The following DLGAP2 variants were observed in gnomAD, a reference collection of about 807,000 sequenced individuals.
DLGAP2 encodes the protein disks large-associated protein 2.
In DLGAP2, 26 loss-of-function variants were observed where a neutral mutation model predicts 100.3. The observed-to-expected ratio is 0.26, with a 90% CI of 0.19 to 0.36. The LOEUF is 0.36. Among genes scored for constraint, DLGAP2 ranks in the 10% least tolerant of loss-of-function variants. DLGAP2 has a pLI of 1.00. For missense variants in DLGAP2, 1,858 were observed against 1,453.2 expected, an observed-to-expected ratio of 1.28 and a Z score of -4.53; for synonymous variants, 886 against 630.1, an observed-to-expected ratio of 1.41 and a Z score of -6.08.
intron 1 of DLGAP2, among the ~76,000 whole-genome samples, chr8:884,843 G>A (rs1286154567): frequency 6.6e-6 from 1 of 152,118 alleles, no homozygotes; most frequent in African/African-American, 2.4e-5. Context: ...TCCGTTTTCT[G>A]CATATGGCTG....
chr8:1,126,629 G>A (rs1253853550), intron 2 of DLGAP2, among the ~76,000 whole-genome samples: 2 of 152,178 alleles, frequency 1.3e-5, no homozygotes, highest in Admixed American at 1.3e-4. Context: ...GGGTCTCGGG[G>A]TGATCAGAGG....
chr8:1,408,247 A>C (rs1796629511), intron 3 of DLGAP2, among the ~76,000 whole-genome samples: 1 of 152,016 alleles, frequency 6.6e-6, no homozygotes, highest in Non-Finnish European at 1.5e-5. Flanking sequence ...CTCATTCTCC[A>C]CTTTCCGCGA....
intron 2 of DLGAP2, among the ~76,000 whole-genome samples, chr8:1,205,656 C>T (rs1220237783): frequency 1.3e-5 from 2 of 152,128 alleles, no homozygotes; most frequent in African/African-American, 4.8e-5. Flanking sequence ...GGGAAAGGCA[C>T]AGGTGGGAAG....
chr8:1,647,498 A>G (rs966102803), intron 8 of DLGAP2, among the ~76,000 whole-genome samples: 1 of 68,768 alleles, frequency 1.5e-5, no homozygotes, highest in Non-Finnish European at 2.3e-5. Context: ...CAAAAAAAAA[A>G]AAAAAAAAAA....
At chr8:1,329,956 A>G (rs1024605999) in intron 3 of DLGAP2, among the ~76,000 whole-genome samples, 5 of 152,136 alleles carry the variant, frequency 3.3e-5, no homozygotes, top group Admixed American at 3.3e-4. Context: ...TCCTCTCCCC[A>G]TCCGATTCAC....
intron 3 of DLGAP2, among the ~76,000 whole-genome samples, chr8:1,465,123 G>A (rs983494643): frequency 6.6e-6 from 1 of 152,214 alleles, no homozygotes; most frequent in Non-Finnish European, 1.5e-5. Context: ...GGTCCCACAG[G>A]GGGAGGGCTG....
At chr8:971,049 T>A (rs1030418180) in intron 2 of DLGAP2, among the ~76,000 whole-genome samples, 4 of 152,200 alleles carry the variant, frequency 2.6e-5, no homozygotes, top group African/African-American at 9.7e-5. Flanking sequence ...GGATCTTAAA[T>A]GGTAACTTGA....
At chr8:1,273,169 G>A (rs1309011999) in intron 3 of DLGAP2, among the ~76,000 whole-genome samples, 1 of 152,176 alleles carries the variant, frequency 6.6e-6, no homozygotes, top group East Asian at 1.9e-4. Context: ...GTGTTTGTCT[G>A]AGTGGACCTG....
intron 1 of DLGAP2, among the ~76,000 whole-genome samples, chr8:889,508 G>T (rs1043628577): frequency 6.6e-6 from 1 of 152,170 alleles, no homozygotes; most frequent in African/African-American, 2.4e-5. Context: ...TGGAGTTCTT[G>T]CAGGGAAGCC....
chr8:1,310,027 C>G (rs561930476), intron 3 of DLGAP2, among the ~76,000 whole-genome samples: 15 of 145,446 alleles, frequency 1.0e-4, no homozygotes, highest in Non-Finnish European at 2.1e-4. Context: ...CCACTGTATA[C>G]CAGCCTGGGC....
At chr8:806,843 A>G (rs1796279801) in intron 1 of DLGAP2, among the ~76,000 whole-genome samples, 1 of 152,234 alleles carries the variant, frequency 6.6e-6, no homozygotes, top group Admixed American at 6.5e-5. Context: ...ATATAAAAGA[A>G]GAAGCATTAA....
intron 5 of DLGAP2, among the ~76,000 whole-genome samples, chr8:1,552,043 G>C (rs945045553): frequency 6.6e-6 from 1 of 152,006 alleles, no homozygotes; most frequent in Non-Finnish European, 1.5e-5. Flanking sequence ...GATTGTGTCT[G>C]TCAGTCTGAG....
At chr8:835,891 T>TA (rs1210150546) in intron 1 of DLGAP2, among the ~76,000 whole-genome samples, 2 of 152,172 alleles carry the variant, frequency 1.3e-5, no homozygotes, top group Admixed American at 1.3e-4. Context: ...GCTTTCCTGT[T>TA]ACGCTGCCGT....
chr8:1,431,548 C>G (rs568351280), intron 3 of DLGAP2, among the ~76,000 whole-genome samples: 3 of 152,300 alleles, frequency 2.0e-5, no homozygotes, highest in African/African-American at 7.2e-5. Context: ...GCTCAGCAGC[C>G]GTTCATGCAC....
At chr8:1,218,961 T>G (rs1798265572) in intron 2 of DLGAP2, among the ~76,000 whole-genome samples, 1 of 152,308 alleles carries the variant, frequency 6.6e-6, no homozygotes, top group African/African-American at 2.4e-5. Flanking sequence ...CTATTAATTT[T>G]TGTACACTGA....
At chr8:913,620 T>C (rs1798533662) in intron 2 of DLGAP2, among the ~76,000 whole-genome samples, 1 of 152,224 alleles carries the variant, frequency 6.6e-6, no homozygotes, top group Admixed American at 6.5e-5. Flanking sequence ...GTTTATAAGG[T>C]GCTTTCACAT....
chr8:1,212,418 C>G (rs1439133892), intron 2 of DLGAP2, among the ~76,000 whole-genome samples: 2 of 152,168 alleles, frequency 1.3e-5, no homozygotes, highest in Non-Finnish European at 2.9e-5. Flanking sequence ...ATCCTTTGAG[C>G]TTTTAAAAAC....
chr8:1,070,058 C>G (rs770865468), intron 2 of DLGAP2, among the ~76,000 whole-genome samples: 11 of 152,208 alleles, frequency 7.2e-5, no homozygotes, highest in Non-Finnish European at 1.5e-4. Flanking sequence ...TGTGCATATT[C>G]AAACATTCTT....
At chr8:1,455,074 T>C (rs1798269662) in intron 3 of DLGAP2, among the ~76,000 whole-genome samples, 1 of 152,132 alleles carries the variant, frequency 6.6e-6, no homozygotes, top group Admixed American at 6.5e-5. Flanking sequence ...TCCAGACACA[T>C]CATCAGCTCC....
Sources: gnomAD v4.1 joint callset for allele counts (sites outside exome capture counted in the v4.1 genomes callset) on GRCh38, gnomAD v4.1.1 for gene constraint, MANE v1.5 for transcripts, NCBI Gene and HGNC (gene_info 2026-07-23, HGNC 2026-07-21) for gene names.